The following AK3 variants were observed in gnomAD, a reference collection of about 807,000 sequenced individuals.
The protein encoded by AK3 is adenylate kinase 3, also known as GTP:AMP phosphotransferase AK3, mitochondrial.
Under a neutral mutation model 23.7 loss-of-function variants are expected in AK3, and 27 were observed. The observed-to-expected ratio is 1.14, with a 90% CI of 0.84 to 1.57. AK3 has a LOEUF of 1.57. Among genes scored for constraint, AK3 ranks in the 40% most tolerant of loss-of-function variants. The probability of loss-of-function intolerance (pLI) is 0.00; values close to 1 mark genes in which losing one functional copy is unlikely to be tolerated. For synonymous variants in AK3, 159 were observed against 116.0 expected (o/e 1.37, Z -2.38); for missense variants, 406 against 285.6 (o/e 1.42, Z -3.04).
chr9:4,739,912 A>G (rs1842385502), intron 1 of AK3, among the ~76,000 whole-genome samples: 1 of 152,110 alleles, frequency 6.6e-6, no homozygotes, highest in African/African-American at 2.4e-5. Context: ...AAAAGAAAAA[A>G]AGAAAAAAGG....
intron 3 of AK3, 150 bp from the exon 4 acceptor site, chr9:4,718,687 A>C: frequency 1.6e-6 from 1 of 621,544 alleles, no homozygotes; most frequent in Non-Finnish European, 2.8e-6. Flanking sequence ...CCAACCTCAA[A>C]AGAGATCATC....
intron 2 of AK3, among the ~76,000 whole-genome samples, chr9:4,720,216 G>C (rs1841858844): frequency 6.6e-6 from 1 of 152,146 alleles, no homozygotes. Flanking sequence ...CAAAAACAGA[G>C]AGACAGGCAA....
chr9:4,735,426 AATAT>A (rs750185381), intron 1 of AK3, among the ~76,000 whole-genome samples: 6 of 97,730 alleles, frequency 6.1e-5, no homozygotes, highest in Non-Finnish European at 1.0e-4. Flanking sequence ...TACATATATA[AATAT>A]ATATATACAT....
At position 4,734,023 on chromosome 9, in the gene AK3, G is replaced by A. The variant is rs74699115; in HGVS notation, c.151+6914C>T. ...TACATGTTGTTATAGATGGAAGTAT[G>A]TCTCCCCTAAATCTGTATGTTGGAA... is the stretch of plus-strand genomic sequence containing the variant. On this transcript the variant is annotated intron_variant, in intron 1 of 4. Transcript: ENST00000381809. 2.5e-3 allele frequency among the ~76,000 whole-genome samples: 385 copies of A among 152,252 alleles called. 3 individuals carry two copies. The highest frequency in any genetic ancestry group is 8.7e-3 in the African/African-American group (362 of 41,544).
chr9:4,728,544 C>A (rs10118317), intron 1 of AK3, among the ~76,000 whole-genome samples: 7 of 151,774 alleles, frequency 4.6e-5, no homozygotes, highest in Admixed American at 2.0e-4. Flanking sequence ...GCACTCCAGC[C>A]TGGGCAACAG....
chr9:4,727,867 C>A (rs1053614315), intron 1 of AK3, among the ~76,000 whole-genome samples: 1 of 152,138 alleles, frequency 6.6e-6, no homozygotes, highest in African/African-American at 2.4e-5. Context: ...TTAGAGGCCA[C>A]TGTAGGGTTA....
In AK3 at chr9:4,712,976, T is replaced by C; in HGVS notation, c.684A>G (p.Ter228TrpextTer20). The change falls in exon 5 of 5, where the codon TGA becomes TGG. Residue 228 changes from the stop codon to tryptophan, a stop_lost. Coordinates refer to ENST00000381809, the MANE Select transcript of AK3 (RefSeq NM_016282.4). The part of the protein sequence containing the change: ...QRSQKASVTP[*>W] ...TATTAATAGTTACACACATTTCTCC[T>C]CATGGAGTAACTGAAGCTTTCTGGC... is the stretch of plus-strand genomic sequence containing the variant. 1 of 1,612,934 alleles carries C rather than the reference T, an allele frequency of 6.2e-7. No homozygotes were observed. The highest frequency in any genetic ancestry group is 2.2e-5 in the East Asian group (1 of 44,840).
At chr9:4,740,072 AAAAAAGAAG>A (rs1376207961) in intron 1 of AK3, among the ~76,000 whole-genome samples, 1 of 149,314 alleles carries the variant, frequency 6.7e-6, no homozygotes, top group African/African-American at 2.5e-5. Context: ...AAAAAAAAAA[AAAAAAGAAG>A]GAAAACAAAA....
At chr9:4,713,358 G>T (rs1174404497) in intron 4 of AK3, among the ~76,000 whole-genome samples, 9 of 152,152 alleles carry the variant, frequency 5.9e-5, no homozygotes, top group African/African-American at 2.2e-4. Context: ...AACATGCACT[G>T]TGTGTCAAAG....
chr9:4,729,644 G>A (rs443706), intron 1 of AK3, among the ~76,000 whole-genome samples: 12,683 of 151,952 alleles, frequency 0.083, 617 homozygotes, highest in African/African-American at 0.13. Flanking sequence ...GACCAGCCTG[G>A]GCAACACAGC....
chr9:4,713,225 C>T, intron 4 of AK3, 129 bp from the exon 5 acceptor site: 1 of 1,257,340 alleles, frequency 8.0e-7, no homozygotes, highest in Non-Finnish European at 1.1e-6. Flanking sequence ...TTTGTGTAAT[C>T]AGGAGAGAAA....
At chr9:4,723,019 C>T (rs773648497) in intron 1 of AK3, among the ~76,000 whole-genome samples, 1 of 152,096 alleles carries the variant, frequency 6.6e-6, no homozygotes, top group Non-Finnish European at 1.5e-5. Flanking sequence ...TGCAGTGAGC[C>T]GAGATCGTGC....
chr9:4,720,910 C>T (rs765348827), intron 2 of AK3, among the ~76,000 whole-genome samples: 16 of 152,164 alleles, frequency 1.1e-4, no homozygotes, highest in African/African-American at 3.9e-4. Context: ...GGCAGCATCA[C>T]CAGCCTACCT....
At chr9:4,735,616 C>T (rs1842273570) in intron 1 of AK3, among the ~76,000 whole-genome samples, 1 of 148,468 alleles carries the variant, frequency 6.7e-6, no homozygotes. Flanking sequence ...AGGTGCCCGC[C>T]ACCATACCCA....
rs1480922611 is a variant in AK3, at chr9:4,718,491, T to C, written c.491A>G (p.Asp164Gly). The C allele has an allele frequency of 1.2e-6, 2 of 1,613,852 alleles. No homozygotes were observed. The highest frequency in any genetic ancestry group is 1.7e-6 in the Non-Finnish European group (2 of 1,179,826). Residue 164 changes from aspartate to glycine, a missense_variant, in exon 4 of 5, where the codon GAT becomes GGT. By Grantham distance (94) the Asp-to-Gly change is moderately conservative. Transcript: ENST00000381809. ...TGEPLIQRED[D>G]KPETVIKRLK... ...TCTCTTGATAACCGTCTCTGGTTTA[T>C]CATCCTCACGCTGAATGAGAGGCTC...
At chr9:4,726,382 A>G (rs568735475) in intron 1 of AK3, among the ~76,000 whole-genome samples, 23 of 152,148 alleles carry the variant, frequency 1.5e-4, no homozygotes, top group Non-Finnish European at 2.8e-4. Flanking sequence ...ATCCTCTCAG[A>G]CCCGCTGCTC....
At chr9:4,724,202 C>T (rs1384361131) in intron 1 of AK3, among the ~76,000 whole-genome samples, 1 of 150,244 alleles carries the variant, frequency 6.7e-6, no homozygotes, top group Non-Finnish European at 1.5e-5. Flanking sequence ...TCTCTGTCTA[C>T]AGGCTTTTGA....
chr9:4,731,590 C>G (rs1459593995), intron 1 of AK3, among the ~76,000 whole-genome samples: 1 of 146,776 alleles, frequency 6.8e-6, no homozygotes, highest in East Asian at 2.0e-4. Flanking sequence ...AAAAAAAAGA[C>G]TTAACTCCCT....
At chr9:4,728,998 C>CACACATAT (rs780404503) in intron 1 of AK3, among the ~76,000 whole-genome samples, 11 of 91,356 alleles carry the variant, frequency 1.2e-4, no homozygotes, top group African/African-American at 4.5e-4. Flanking sequence ...CACACACACA[C>CACACATAT]ATATATATAT....
Sources: gnomAD v4.1 joint callset for allele counts (sites outside exome capture counted in the v4.1 genomes callset) on GRCh38, gnomAD v4.1.1 for gene constraint, MANE v1.5 for transcripts, NCBI Gene and HGNC (gene_info 2026-07-23, HGNC 2026-07-21) for gene names.